The following SESN1 variants were observed in gnomAD, a reference collection of about 807,000 sequenced individuals.
SESN1 encodes the protein sestrin-1.
Under a neutral mutation model 59.3 loss-of-function variants are expected in SESN1, and 30 were observed. The ratio of observed to expected loss-of-function variants is 0.51; its 90% confidence interval spans 0.38 to 0.69. The LOEUF is 0.69. Among genes scored for constraint, SESN1 ranks in the 30% least tolerant of loss-of-function variants. The pLI is 0.00. For synonymous variants in SESN1, 197 were observed against 219.9 expected, an observed-to-expected ratio of 0.90 and a Z score of 0.92; for missense variants, 566 against 673.0, an observed-to-expected ratio of 0.84 and a Z score of 1.76.
intron 1 of SESN1, among the ~76,000 whole-genome samples, chr6:109,047,373 G>T (rs1425786994): frequency 1.6e-5 from 2 of 127,608 alleles, no homozygotes; most frequent in African/African-American, 2.9e-5. Context: ...CCGGCCAGCC[G>T]CCCCGTCCGG....
chr6:109,034,276 T>C (rs1029636827), intron 1 of SESN1, among the ~76,000 whole-genome samples: 4 of 152,236 alleles, frequency 2.6e-5, no homozygotes. Flanking sequence ...TAGGTATTGA[T>C]GTATTTTTTA....
In SESN1 at chr6:108,993,053, G is replaced by T. The variant is rs552659194; in HGVS notation, c.1121-154C>A. 74 of 571,738 alleles carry T rather than the reference G, an allele frequency of 1.3e-4. 1 individual carries two copies. In the South Asian group the frequency reaches 1.3e-3, roughly 10 times the overall value. 35.4% of individuals were successfully genotyped at this position (571,738 alleles called of 1,614,324 possible). On this transcript the variant is annotated intron_variant, in intron 6 of 9. Transcript: ENST00000436639. ...TACAATTATACAAAGTAGTTTACTT[G>T]CTAGTAAACAGAATGTAGTAAAAGG...
chr6:108,999,038 A>ATT (rs1200945431), intron 4 of SESN1: 2 of 228,566 alleles, frequency 8.8e-6, no homozygotes, highest in Non-Finnish European at 1.7e-5. Context: ...TGGCTGCTGT[A>ATT]TTTCAGATGC....
intron 1 of SESN1, among the ~76,000 whole-genome samples, chr6:109,008,261 A>T (rs1779775365): frequency 6.6e-6 from 1 of 152,208 alleles, no homozygotes. Context: ...GCTCACTTCT[A>T]CTCAAAAAGA....
intron 1 of SESN1, among the ~76,000 whole-genome samples, chr6:109,065,862 G>C (rs1780816383): frequency 6.6e-6 from 1 of 151,720 alleles, no homozygotes; most frequent in Non-Finnish European, 1.5e-5. Flanking sequence ...TATAATAGAA[G>C]ATACTATCTA....
intron 1 of SESN1, chr6:109,009,138 C>T: frequency 1.5e-6 from 1 of 685,418 alleles, no homozygotes; most frequent in Non-Finnish European, 2.1e-6. Context: ...ACTCACGGTG[C>T]GCAGGTCTCC....
rs1779126077 is a variant in SESN1 at position 108,984,417 on chromosome 6, C to T, written c.*3127G>A. Among the ~76,000 whole-genome samples, 1 of 152,198 alleles carries T rather than the reference C, an allele frequency of 6.6e-6. No individual in the cohort carries two copies. Among genetic ancestry groups the T allele is most frequent in the Non-Finnish European group, 1.5e-5 (1 of 68,040 alleles). On this transcript the variant is annotated 3_prime_UTR_variant, in exon 10 of 10. Transcript: ENST00000436639. Reference sequence around the variant, plus strand: ...TTTTCTTCCTCACAGATGGCACACTCTAGCTGTGTCCTTTCATGGTAGAAG... The same window carrying T: ...TTTTCTTCCTCACAGATGGCACACTTTAGCTGTGTCCTTTCATGGTAGAAG...
chr6:109,015,603 C>G lies in SESN1; in HGVS notation c.280-13260G>C, dbSNP rs541056019. On this transcript the variant is annotated intron_variant, in intron 1 of 9. Coordinates refer to ENST00000436639, the MANE Select transcript of SESN1 (RefSeq NM_014454.3). Reference sequence around the variant, plus strand: ...ACAATGTTTAGAGGCTACTTTTCAGCATCATCACTGAGTTAAATAAGAAGG... The same window carrying G: ...ACAATGTTTAGAGGCTACTTTTCAGGATCATCACTGAGTTAAATAAGAAGG... 2.6e-5 allele frequency among the ~76,000 whole-genome samples: 4 copies of G among 152,194 alleles called. No individual in the cohort carries two copies. The South Asian group carries it at 8.3e-4, about 32-fold the overall frequency.
chr6:109,015,464 T>C (rs1779915651), intron 1 of SESN1, among the ~76,000 whole-genome samples: 2 of 152,302 alleles, frequency 1.3e-5, no homozygotes, highest in African/African-American at 4.8e-5. Flanking sequence ...CAGAAACACT[T>C]TGTAACCAAG....
At chr6:109,001,751 A>G (rs148330929) in intron 2 of SESN1, among the ~76,000 whole-genome samples, 289 of 152,330 alleles carry the variant, frequency 1.9e-3, no homozygotes, top group African/African-American at 6.7e-3. Flanking sequence ...GAATCCAGAT[A>G]AAGAAGCAGA....
rs1279384755 is a variant in SESN1 at position 109,093,876 on chromosome 6, A to T, written c.198T>A (p.Leu66=). The part of the protein sequence containing the change: ...TESSDGLNKL[L]AHLLMLSKRC... ...TCTTAGAAAGCATAAGCAGATGAGC[A>T]AGTAGCTTATTCAACCCATCCGAAG... Residue 66 remains leucine, a synonymous_variant, in exon 1 of 10, where the codon CTT becomes CTA. Transcript: ENST00000436639. The T allele has an allele frequency of 3.7e-6, 6 of 1,614,234 alleles. 1 individual carries two copies. The Middle Eastern group carries it at 4.9e-4, about 133-fold the overall frequency.
At chr6:109,009,605 C>T in intron 1 of SESN1, 4 of 1,031,454 alleles carry the variant, frequency 3.9e-6, no homozygotes, top group Non-Finnish European at 4.7e-6. Context: ...CCGCCCCGCG[C>T]CCGTCATTTC....
intron 1 of SESN1, among the ~76,000 whole-genome samples, chr6:109,036,990 T>G (rs1206635700): frequency 1.3e-5 from 2 of 152,242 alleles, no homozygotes; most frequent in African/African-American, 4.8e-5. Context: ...GTTAGGAAAC[T>G]TACCGATCAA....
chr6:108,997,554 T>TA (rs1779524276), intron 5 of SESN1, among the ~76,000 whole-genome samples: 1 of 152,242 alleles, frequency 6.6e-6, no homozygotes, highest in South Asian at 2.1e-4. Context: ...TGACAAATGC[T>TA]AAGTGCTGTA....
intron 5 of SESN1, among the ~76,000 whole-genome samples, chr6:108,997,574 T>G (rs914414890): frequency 6.6e-6 from 1 of 152,238 alleles, no homozygotes; most frequent in Non-Finnish European, 1.5e-5. Context: ...ACTTGGCATT[T>G]TACTTCTTTA....
At chr6:109,057,692 T>A (rs774544335) in intron 1 of SESN1, among the ~76,000 whole-genome samples, 11 of 152,230 alleles carry the variant, frequency 7.2e-5, no homozygotes, top group Non-Finnish European at 1.3e-4. Context: ...TTAAAGGCAG[T>A]GGCAAGGATT....
intron 1 of SESN1, among the ~76,000 whole-genome samples, chr6:109,029,667 G>T (rs942302686): frequency 2.0e-5 from 3 of 151,954 alleles, no homozygotes; most frequent in African/African-American, 7.2e-5. Context: ...TCCCAAGTAG[G>T]GTTTAACAGG....
chr6:109,047,460 G>A (rs1347497057), intron 1 of SESN1, among the ~76,000 whole-genome samples: 11 of 132,986 alleles, frequency 8.3e-5, no homozygotes, highest in South Asian at 5.7e-4. Flanking sequence ...CGCCCCATCC[G>A]GGAGGGAGGT....
chr6:109,011,730 G>A (rs920626553), intron 1 of SESN1, among the ~76,000 whole-genome samples: 1 of 151,452 alleles, frequency 6.6e-6, no homozygotes, highest in Non-Finnish European at 1.5e-5. Context: ...CAGGGCTCAA[G>A]TGATCCTCCC....
Sources: allele counts gnomAD v4.1 joint callset (sites outside exome capture counted in the v4.1 genomes callset), GRCh38; gene constraint gnomAD v4.1.1; transcripts MANE v1.5; gene names NCBI Gene and HGNC (gene_info 2026-07-23, HGNC 2026-07-21).